SLC24A2: variants seen among roughly 807,000 people sequenced by gnomAD.
SLC24A2 encodes the protein sodium/potassium/calcium exchanger 2.
SLC24A2 carries 36 observed loss-of-function variants against 62.0 expected under a neutral mutation model. The observed-to-expected ratio is 0.58, with a 90% CI of 0.44 to 0.77. The LOEUF (loss-of-function observed/expected upper bound fraction) is 0.77. Among genes scored for constraint, SLC24A2 ranks in the 30% least tolerant of loss-of-function variants. The pLI, the probability that SLC24A2 is intolerant of heterozygous loss-of-function variation, is 0.00. For missense variants in SLC24A2, 846 were observed against 817.9 expected (o/e 1.03, Z -0.42); for synonymous variants, 358 against 294.0 (o/e 1.22, Z -2.23).
the SLC24A2 span, among the ~76,000 whole-genome samples, chr9:20,058,810 C>T: frequency 6.6e-6 from 1 of 152,182 alleles, no homozygotes; most frequent in South Asian, 2.1e-4. Flanking sequence ...TATGTGTGTA[C>T]AGTTTTCCAC....
intron 5 of SLC24A2, among the ~76,000 whole-genome samples, chr9:19,590,259 C>T (rs1836510689): frequency 6.6e-6 from 1 of 152,206 alleles, no homozygotes. Context: ...CATCAACTTC[C>T]AGACCCTCAT....
chr9:19,652,743 C>T (rs1280210167), intron 2 of SLC24A2, among the ~76,000 whole-genome samples: 1 of 152,140 alleles, frequency 6.6e-6, no homozygotes, highest in African/African-American at 2.4e-5. Flanking sequence ...AATACAATCA[C>T]CCTTGTTCAG....
At chr9:19,996,055 C>T in the SLC24A2 span, among the ~76,000 whole-genome samples, 1 of 152,160 alleles carries the variant, frequency 6.6e-6, no homozygotes, top group Non-Finnish European at 1.5e-5. Flanking sequence ...AGACATAGAG[C>T]TAGAAGAGTA....
At chr9:19,732,154 C>T (rs1216085588) in intron 2 of SLC24A2, among the ~76,000 whole-genome samples, 2 of 152,108 alleles carry the variant, frequency 1.3e-5, no homozygotes, top group Non-Finnish European at 2.9e-5. Context: ...GACAGAACTG[C>T]AAAAGGGCAG....
chr9:19,974,000 A>G, the SLC24A2 span, among the ~76,000 whole-genome samples: 1 of 152,156 alleles, frequency 6.6e-6, no homozygotes, highest in African/African-American at 2.4e-5. Flanking sequence ...TTTGTGATCT[A>G]TTCACATTTA....
the SLC24A2 span, among the ~76,000 whole-genome samples, chr9:20,264,337 A>G: frequency 2.0e-5 from 3 of 152,338 alleles, no homozygotes; most frequent in East Asian, 1.9e-4. Context: ...CCCTTTTCTC[A>G]GATAACTCAG....
chr9:19,649,607 C>A (rs186835726), intron 2 of SLC24A2, among the ~76,000 whole-genome samples: 3 of 152,274 alleles, frequency 2.0e-5, no homozygotes, highest in Admixed American at 2.0e-4. Context: ...GGATCAAAGG[C>A]TTCCTCAAAC....
chr9:19,849,249 T>G, the SLC24A2 span, among the ~76,000 whole-genome samples: 1 of 152,300 alleles, frequency 6.6e-6, no homozygotes, highest in East Asian at 1.9e-4. Flanking sequence ...CAAATTACTC[T>G]TAAGAAAACT....
chr9:19,883,586 G>C, the SLC24A2 span, among the ~76,000 whole-genome samples: 1 of 140,946 alleles, frequency 7.1e-6, no homozygotes, highest in Non-Finnish European at 1.5e-5. Flanking sequence ...TTTTTTTTGA[G>C]ATGGAGTCTT....
intron 2 of SLC24A2, among the ~76,000 whole-genome samples, chr9:19,696,121 T>C (rs183412375): frequency 9.2e-5 from 14 of 152,216 alleles, no homozygotes; most frequent in African/African-American, 2.9e-4. Flanking sequence ...AGGAACCCTA[T>C]TGTGAACTGT....
chr9:19,759,390 A>G (rs1359823), intron 2 of SLC24A2, among the ~76,000 whole-genome samples: 102,942 of 152,050 alleles, frequency 0.68, 35,341 homozygotes, highest in Admixed American at 0.73. Flanking sequence ...ATCAAGGAAT[A>G]GATTAATATT....
chr9:20,306,320 GAACAAC>G, the SLC24A2 span, among the ~76,000 whole-genome samples: 9 of 152,066 alleles, frequency 5.9e-5, no homozygotes, highest in Non-Finnish European at 1.0e-4. Flanking sequence ...TAACAATAGT[GAACAAC>G]AACAACAACA....
the SLC24A2 span, among the ~76,000 whole-genome samples, chr9:20,180,518 C>T: frequency 6.6e-6 from 1 of 152,124 alleles, no homozygotes; most frequent in Non-Finnish European, 1.5e-5. Context: ...TTTCAGAAAT[C>T]CTTTGTCTTT....
chr9:19,992,881 G>A, the SLC24A2 span, among the ~76,000 whole-genome samples: 5 of 152,266 alleles, frequency 3.3e-5, no homozygotes, highest in African/African-American at 9.6e-5. Flanking sequence ...ACAATCTGTC[G>A]ACCTATCATT....
the SLC24A2 span, among the ~76,000 whole-genome samples, chr9:20,105,897 A>G: frequency 1.9e-3 from 289 of 152,320 alleles, 1 homozygote; most frequent in African/African-American, 6.9e-3. Context: ...CAAAAAATTA[A>G]TGAATCCAGG....
intron 8 of SLC24A2, among the ~76,000 whole-genome samples, chr9:19,533,785 G>C (rs551118927): frequency 3.6e-4 from 55 of 152,208 alleles, no homozygotes; most frequent in Non-Finnish European, 6.8e-4. Flanking sequence ...GGTTGGGGTG[G>C]TATGTTACAA....
At chr9:19,612,564 A>G (rs1258816208) in intron 4 of SLC24A2, among the ~76,000 whole-genome samples, 1 of 152,204 alleles carries the variant, frequency 6.6e-6, no homozygotes, top group Non-Finnish European at 1.5e-5. Context: ...TGAGGCACAG[A>G]GAGGATAAAC....
At position 19,632,528 on chromosome 9, in the gene SLC24A2, T is replaced by C. The variant is rs894671976; in HGVS notation, c.931-10229A>G. On this transcript the variant is annotated intron_variant, in intron 2 of 10. Transcript: ENST00000341998. The surrounding 1 kb of genome is among the most constrained non-coding windows in gnomAD (Gnocchi z 4.5). The stretch of plus-strand genomic sequence containing the variant: ...AGTAGCAACAGCAGCAGTTAATATA[T>C]GAAATCCTTGCTGACCTTTATCGAG... Among the ~76,000 whole-genome samples the C allele has an allele frequency of 1.3e-5, 2 of 152,212 alleles. No individual in the cohort carries two copies. Among genetic ancestry groups the C allele is most frequent in the Non-Finnish European group, 2.9e-5 (2 of 68,034 alleles).
At chr9:20,171,012 C>T in the SLC24A2 span, among the ~76,000 whole-genome samples, 1 of 152,150 alleles carries the variant, frequency 6.6e-6, no homozygotes, top group Middle Eastern at 3.4e-3. Context: ...AGATTAACAT[C>T]AGATTTTTCA....
Sources: allele counts gnomAD v4.1 joint callset (sites outside exome capture counted in the v4.1 genomes callset), GRCh38; gene constraint gnomAD v4.1.1; non-coding constraint Gnocchi (gnomAD v3.1); transcripts MANE v1.5; gene names NCBI Gene and HGNC (gene_info 2026-07-23, HGNC 2026-07-21).